Variants in BBX observed in about 807,000 individuals in gnomAD.
The protein encoded by BBX is BBX high mobility group box domain containing, also known as HMG box transcription factor BBX.
BBX carries 30 observed loss-of-function variants against 100.2 expected under a neutral mutation model. The ratio of observed to expected loss-of-function variants is 0.30; its 90% CI spans 0.22 to 0.41. The LOEUF (loss-of-function observed/expected upper bound fraction) is 0.41, where lower values mean the gene tolerates loss of function less well. Among genes scored for constraint, BBX ranks in the 10% least tolerant of loss-of-function variants. The probability of loss-of-function intolerance (pLI) is 1.00; values close to 1 mark genes in which losing one functional copy is unlikely to be tolerated. For synonymous variants in BBX, 376 were observed against 388.1 expected (o/e 0.97, Z 0.37); for missense variants, 1,023 against 1,129.8 (o/e 0.91, Z 1.35).
Position 107,773,015 on chromosome 3 carries a change from C to T in BBX, c.1294C>T (p.Pro432Ser), listed in dbSNP as rs1395188333. Residue 432 changes from proline (P) to serine (S), a missense_variant, in exon 11 of 18, where the codon CCT becomes TCT. Physicochemically the swap from Pro to Ser is moderately conservative, Grantham distance 74. Transcript: ENST00000325805. This position sits in a 1 kb window ranked among gnomAD's most constrained non-coding sequence, Gnocchi z 4.1. ...VPSRKDHMCH[P>S]HGIMIIEDPA... ...CAGTAGAAAGGATCATATGTGCCATCCTCATGGAATTATGATCATTGAGGA... is the reference window on the plus strand; with the variant it reads ...CAGTAGAAAGGATCATATGTGCCATTCTCATGGAATTATGATCATTGAGGA... The T allele has an allele frequency of 6.2e-7, 1 of 1,613,948 alleles. No individual in the cohort carries two copies. The highest frequency in any genetic ancestry group is 2.2e-5 in the East Asian group (1 of 44,888).
At chr3:107,614,013 G>A (rs370958669) in intron 2 of BBX, among the ~76,000 whole-genome samples, 3 of 140,570 alleles carry the variant, frequency 2.1e-5, no homozygotes, top group South Asian at 4.6e-4. Context: ...GTGCAGTGGC[G>A]CAATCTCGGC....
At chr3:107,592,470 T>A (rs530906727) in intron 2 of BBX, among the ~76,000 whole-genome samples, 1 of 152,060 alleles carries the variant, frequency 6.6e-6, no homozygotes, top group East Asian at 1.9e-4. Context: ...AATAGCAGCC[T>A]TAGTATTGAA....
chr3:107,714,000 G>A (rs1293775149), intron 4 of BBX, among the ~76,000 whole-genome samples: 3 of 84,810 alleles, frequency 3.5e-5, no homozygotes, highest in African/African-American at 1.3e-4. Flanking sequence ...TTTTGAGACA[G>A]AGTCTTGCTC....
At chr3:107,593,971 TG>T (rs2053509621) in intron 2 of BBX, among the ~76,000 whole-genome samples, 1 of 152,216 alleles carries the variant, frequency 6.6e-6, no homozygotes, top group Non-Finnish European at 1.5e-5. Flanking sequence ...AGGGAGGTTT[TG>T]CTGGGCTCTG....
chr3:107,704,085 G>C (rs1376815656), intron 3 of BBX, among the ~76,000 whole-genome samples: 1 of 152,160 alleles, frequency 6.6e-6, no homozygotes, highest in Non-Finnish European at 1.5e-5. Context: ...TACTTGCCAT[G>C]TTATCCTGTG....
chr3:107,751,118 G>A (rs1357075880), intron 9 of BBX, among the ~76,000 whole-genome samples: 2 of 152,080 alleles, frequency 1.3e-5, no homozygotes, highest in Admixed American at 6.6e-5. Context: ...AATCATTATT[G>A]TTAAGGCATT....
chr3:107,710,794 G>A (rs557982907), intron 4 of BBX, among the ~76,000 whole-genome samples, 172 bp downstream of exon 4: 11 of 152,124 alleles, frequency 7.2e-5, no homozygotes, highest in Non-Finnish European at 1.5e-4. Context: ...TGCTCTTAAA[G>A]TATTTGTACT....
intron 8 of BBX, among the ~76,000 whole-genome samples, chr3:107,745,561 A>G (rs1446384873): frequency 6.6e-6 from 1 of 152,062 alleles, no homozygotes; most frequent in African/African-American, 2.4e-5. Context: ...TCCTGGGCTC[A>G]AGGGATCCGC....
At chr3:107,639,580 A>G (rs535045562) in intron 2 of BBX, among the ~76,000 whole-genome samples, 2 of 152,278 alleles carry the variant, frequency 1.3e-5, no homozygotes, top group African/African-American at 2.4e-5. Context: ...AATGTGCGAT[A>G]TCCCATACCT....
At chr3:107,671,092 T>A (rs2058999327) in intron 3 of BBX, among the ~76,000 whole-genome samples, 1 of 147,118 alleles carries the variant, frequency 6.8e-6, no homozygotes, top group Non-Finnish European at 1.5e-5. Flanking sequence ...TTTGGAGTAT[T>A]CTGATTTTTT....
At chr3:107,711,305 G>A in intron 4 of BBX, 1 of 471,016 alleles carries the variant, frequency 2.1e-6, no homozygotes, top group Non-Finnish European at 4.4e-6. Context: ...TAAGAACAGG[G>A]GCCTTGCCTG....
chr3:107,604,170 A>C (rs548457282), intron 2 of BBX, among the ~76,000 whole-genome samples: 14 of 152,172 alleles, frequency 9.2e-5, no homozygotes, highest in Non-Finnish European at 1.9e-4. Flanking sequence ...TTTTAAAACT[A>C]TTCCCAGGTG....
At chr3:107,562,459 T>C (rs544263363) in intron 2 of BBX, among the ~76,000 whole-genome samples, 1 of 152,148 alleles carries the variant, frequency 6.6e-6, no homozygotes, top group Admixed American at 6.6e-5. Context: ...TATTGGTAAT[T>C]GTCTATATAA....
chr3:107,666,889 T>A (rs911317114), intron 3 of BBX, among the ~76,000 whole-genome samples: 1 of 152,182 alleles, frequency 6.6e-6, no homozygotes, highest in East Asian at 1.9e-4. Context: ...AAATTATTTA[T>A]TATTGAAAGC....
At chr3:107,634,664 TC>T (rs1239928644) in intron 2 of BBX, among the ~76,000 whole-genome samples, 1 of 152,212 alleles carries the variant, frequency 6.6e-6, no homozygotes, top group African/African-American at 2.4e-5. Flanking sequence ...GTGTTACTAT[TC>T]CTGTTACTGT....
intron 2 of BBX, among the ~76,000 whole-genome samples, chr3:107,537,635 C>A (rs1221212783): frequency 6.6e-6 from 1 of 152,130 alleles, no homozygotes; most frequent in East Asian, 1.9e-4. Flanking sequence ...TAAGCCATGG[C>A]CTGGAGAACA....
intron 3 of BBX, among the ~76,000 whole-genome samples, chr3:107,671,254 C>T (rs1480255499): frequency 1.3e-5 from 2 of 151,888 alleles, no homozygotes; most frequent in Non-Finnish European, 2.9e-5. Context: ...GCAAAGAAAT[C>T]AAAATTAGCA....
chr3:107,742,419 A>G (rs2064188927), intron 7 of BBX, among the ~76,000 whole-genome samples: 1 of 150,208 alleles, frequency 6.7e-6, no homozygotes, highest in Non-Finnish European at 1.5e-5. Context: ...ATAGCTTAGT[A>G]CTCTCCCAAT....
At chr3:107,679,655 A>G (rs2059471467) in intron 3 of BBX, among the ~76,000 whole-genome samples, 2 of 152,180 alleles carry the variant, frequency 1.3e-5, no homozygotes, top group Non-Finnish European at 2.9e-5. Context: ...TTGCTTTAGG[A>G]TTGTTTCTTT....
Sources: allele counts gnomAD v4.1 joint callset (sites outside exome capture counted in the v4.1 genomes callset), GRCh38; gene constraint gnomAD v4.1.1; non-coding constraint Gnocchi (gnomAD v3.1); transcripts MANE v1.5; gene names NCBI Gene and HGNC (gene_info 2026-07-23, HGNC 2026-07-21).